Variants in NCBP2 observed in about 807,000 individuals in gnomAD.
NCBP2 encodes the protein nuclear cap binding protein subunit 2, also known as nuclear cap-binding protein subunit 2.
In NCBP2, 8 loss-of-function variants were observed where a neutral mutation model predicts 21.5. That is an observed-to-expected ratio of 0.37 (90% CI 0.22 to 0.67). NCBP2 has a LOEUF of 0.67. Among genes scored for constraint, NCBP2 ranks in the 30% least tolerant of loss-of-function variants. The pLI, the probability that NCBP2 is intolerant of heterozygous loss-of-function variation, is 0.56. For synonymous variants in NCBP2, 92 were observed against 75.8 expected, an observed-to-expected ratio of 1.21 and a Z score of -1.11; for missense variants, 127 against 206.9, an observed-to-expected ratio of 0.61 and a Z score of 2.37.
At position 196,936,669 on chromosome 3, in the gene NCBP2, T is replaced by C. The variant is rs149231102; in HGVS notation, c.*342A>G. The C allele has an allele frequency of 8.5e-4, 258 of 304,012 alleles. No individual in the cohort carries two copies. Among genetic ancestry groups the C allele is most frequent in the African/African-American group, 5.3e-3 (244 of 46,190 alleles). The allele number at this position is 304,012 out of a possible 1,614,324, so 18.8% of individuals were successfully genotyped here. ...GATCATGAACCTACTTAAGACTCAT[T>C]ATGGTAAAAACAAATTCTTACATTT... On this transcript the variant is annotated 3_prime_UTR_variant, in exon 4 of 4. Transcript: ENST00000321256.
intron 3 of NCBP2, 162 bp downstream of exon 3, chr3:196,937,348 A>C: frequency 2.7e-6 from 3 of 1,118,862 alleles, no homozygotes; most frequent in Non-Finnish European, 3.8e-6. Flanking sequence ...ACGGTTTAAA[A>C]AAAAAATTCA....
In NCBP2 at chr3:196,937,793, T is replaced by G. The variant is rs1020706362; in HGVS notation, c.261-145A>C. Reference sequence around the variant, plus strand: ...GACAGTAATTCAGCTTGCCCAGGCCTGTTTGCGATTGGTTTGGAAGCACAT... The same window carrying G: ...GACAGTAATTCAGCTTGCCCAGGCCGGTTTGCGATTGGTTTGGAAGCACAT... On this transcript the variant is annotated intron_variant, in intron 2 of 3. Transcript: ENST00000321256. The G allele has an allele frequency of 4.4e-6, 4 of 915,306 alleles. No homozygotes were observed. In the African/African-American group the frequency reaches 6.6e-5, roughly 15 times the overall value. 56.7% of individuals were successfully genotyped at this position (915,306 alleles called of 1,614,324 possible).
rs1239016153 is a variant in NCBP2 at position 196,941,934 on chromosome 3, C to T, written c.78+492G>A. The T allele has an allele frequency of 4.6e-6, 7 of 1,536,308 alleles. No homozygotes were observed. The East Asian group carries it at 1.2e-4, about 27-fold the overall frequency. ...GGACTCCACTTGTGTCTCCCACGCA[C>T]CGCGTACAGCTTCCGTAACACCATC... On this transcript the variant is annotated intron_variant, in intron 1 of 3. Transcript: ENST00000321256.
chr3:196,941,672 C>T (rs1716580701), intron 1 of NCBP2: 2 of 565,534 alleles, frequency 3.5e-6, no homozygotes, highest in East Asian at 5.9e-5. Context: ...GTTAATGAGT[C>T]CCGCCCCGCC....
At position 196,941,573 on chromosome 3, in the gene NCBP2, C is replaced by T. The variant is rs912732361; in HGVS notation, c.78+853G>A. On this transcript the variant is annotated intron_variant, in intron 1 of 3. Transcript: ENST00000321256. ...CTCACTACAGGGGATTATGAGCTCG[C>T]AGAGCGCAGAAACTGTCTTCCCTCT... 3 of 348,704 alleles carry T rather than the reference C, an allele frequency of 8.6e-6. No homozygotes were observed. The East Asian group carries it at 1.7e-4, about 19-fold the overall frequency. 21.6% of individuals were successfully genotyped at this position (348,704 alleles called of 1,614,324 possible).
At chr3:196,937,867 G>C in intron 2 of NCBP2, 1 of 557,562 alleles carries the variant, frequency 1.8e-6, no homozygotes, top group South Asian at 2.2e-5. Context: ...ATATTTCTTG[G>C]ACATTCCTGT....
Position 196,939,503 on chromosome 3 carries a change from T to C in NCBP2, c.79-71A>G, listed in dbSNP as rs1716426927. ...GCTTAAATAGTATTTCTAAGTACGGTAGAGACATTCATTAATTCTGGTTTG... is the reference window on the plus strand; with the variant it reads ...GCTTAAATAGTATTTCTAAGTACGGCAGAGACATTCATTAATTCTGGTTTG... On this transcript the variant is annotated intron_variant, in intron 1 of 3. Transcript: ENST00000321256. 5 of 1,118,544 alleles carry C rather than the reference T, an allele frequency of 4.5e-6. No homozygotes were observed. The South Asian group carries it at 6.4e-5, about 14-fold the overall frequency. 69.3% of individuals were successfully genotyped at this position (1,118,544 alleles called of 1,614,324 possible). A position where few individuals can be genotyped will look rare whatever the true frequency, so the allele number is the denominator to read the frequency against.
At chr3:196,937,267 T>C (rs1317845864) in intron 3 of NCBP2, 185 bp from the exon 4 acceptor site, 26 of 766,368 alleles carry the variant, frequency 3.4e-5, no homozygotes, top group South Asian at 1.2e-4. Flanking sequence ...TTCCTGCAGG[T>C]GGAAGATACC....
chr3:196,941,486 C>G (rs988207878), intron 1 of NCBP2: 2 of 182,018 alleles, frequency 1.1e-5, no homozygotes, highest in African/African-American at 4.7e-5. Flanking sequence ...TCCACACTTA[C>G]CCTCTGCTAT....
chr3:196,936,999 A>T lies in NCBP2; in HGVS notation c.*12T>A. 1 of 1,613,778 alleles carries T rather than the reference A, an allele frequency of 6.2e-7. No homozygotes were observed. The highest frequency in any genetic ancestry group is 1.3e-5 in the African/African-American group (1 of 75,034). On this transcript the variant is annotated 3_prime_UTR_variant, in exon 4 of 4. Coordinates refer to ENST00000321256, the MANE Select transcript of NCBP2 (RefSeq NM_007362.5). ...CCAAAGGAGTGTTTGTCACTGACAG[A>T]GCTCTCACCACTCACTGGTTCTGTG... is the stretch of plus-strand genomic sequence containing the variant.
At chr3:196,939,185 C>A in intron 2 of NCBP2, 66 bp downstream of exon 2, 1 of 1,452,460 alleles carries the variant, frequency 6.9e-7, no homozygotes, top group Middle Eastern at 1.7e-4. Context: ...TGCAGGGACG[C>A]TTATGAGCTA....
intron 2 of NCBP2, 118 bp from the exon 3 acceptor site, chr3:196,937,766 A>G: frequency 3.1e-6 from 4 of 1,303,248 alleles, no homozygotes; most frequent in Non-Finnish European, 3.2e-6. Flanking sequence ...ATGGAGTTCA[A>G]AGACAGTAAT....
intron 1 of NCBP2, chr3:196,942,132 G>C: frequency 5.5e-6 from 8 of 1,465,924 alleles, no homozygotes; most frequent in Non-Finnish European, 7.2e-6. Context: ...GTGGAAACGG[G>C]AGCCGCCACC....
rs138747141 is a variant in NCBP2, at chr3:196,942,306, G to T, written c.78+120C>A. ...TCCCTGCCTCGCCAGCAGGCACCGG[G>T]GCCCCACTTGGCGTTTGCGGATTTC... On this transcript the variant is annotated intron_variant, in intron 1 of 3. Coordinates refer to ENST00000321256, the MANE Select transcript of NCBP2 (RefSeq NM_007362.5). 5,218 of 1,526,058 alleles carry T rather than the reference G, an allele frequency of 3.4e-3. 54 individuals are homozygous for T. The highest frequency in any genetic ancestry group is 0.031 in the African/African-American group (2,238 of 73,002). 94.5% of individuals were successfully genotyped at this position (1,526,058 alleles called of 1,614,324 possible).
At chr3:196,939,065 TA>T (rs1577863422) in intron 2 of NCBP2, 185 bp downstream of exon 2, 2 of 497,946 alleles carry the variant, frequency 4.0e-6, no homozygotes, top group East Asian at 6.4e-5. Flanking sequence ...TAAAGAACCA[TA>T]AAGCATGGAT....
intron 1 of NCBP2, chr3:196,942,013 A>C: frequency 2.0e-6 from 3 of 1,536,114 alleles, no homozygotes; most frequent in South Asian, 1.2e-5. Flanking sequence ...CGATTTAAAA[A>C]ACAAAGCAAA....
chr3:196,941,937 C>A, intron 1 of NCBP2: 1 of 1,536,298 alleles, frequency 6.5e-7, no homozygotes, highest in Non-Finnish European at 8.7e-7. Flanking sequence ...CCACGCACCG[C>A]GTACAGCTTC....
chr3:196,941,960 C>G, intron 1 of NCBP2: 1 of 1,536,366 alleles, frequency 6.5e-7, no homozygotes, highest in Non-Finnish European at 8.7e-7. Flanking sequence ...TAACACCATC[C>G]TCCCAGAGAA....
chr3:196,941,177 C>G (rs1183917701), intron 1 of NCBP2: 3 of 152,060 alleles, frequency 2.0e-5, no homozygotes, highest in Non-Finnish European at 2.9e-5. Flanking sequence ...ACAGCAACCT[C>G]CACCTCCCCG....
Sources: gnomAD v4.1 joint callset for allele counts on GRCh38, gnomAD v4.1.1 for gene constraint, MANE v1.5 for transcripts, NCBI Gene and HGNC (gene_info 2026-07-23, HGNC 2026-07-21) for gene names.